Variants in GALNT13 observed in about 807,000 individuals in gnomAD.
GALNT13 encodes UDP-GalNAc:polypeptide N-acetylgalactosaminyltransferase 13.
In GALNT13, 28 loss-of-function variants were observed where a neutral mutation model predicts 64.2. That is an observed-to-expected ratio of 0.44 (90% CI 0.32 to 0.60). GALNT13 has a LOEUF of 0.60. GALNT13 is among the 20% of genes least tolerant of loss of function. The pLI is 0.05. For synonymous variants in GALNT13, 214 were observed against 224.6 expected (o/e 0.95, Z 0.42); for missense variants, 577 against 669.8 (o/e 0.86, Z 1.53).
At chr2:153,667,834 G>T in the GALNT13 span, among the ~76,000 whole-genome samples, 1 of 152,136 alleles carries the variant, frequency 6.6e-6, no homozygotes, top group Non-Finnish European at 1.5e-5. Flanking sequence ...AGAGTAACAA[G>T]CTGGGTAAAG....
the GALNT13 span, among the ~76,000 whole-genome samples, chr2:153,313,525 A>G: frequency 6.6e-6 from 1 of 151,940 alleles, no homozygotes; most frequent in African/African-American, 2.4e-5. Flanking sequence ...GAGGGGAACA[A>G]GAGACACTGG....
the GALNT13 span, among the ~76,000 whole-genome samples, chr2:153,323,337 G>T: frequency 6.6e-6 from 1 of 151,086 alleles, no homozygotes; most frequent in Non-Finnish European, 1.5e-5. Context: ...TTTTTGATAG[G>T]GTTTTTTTTT....
chr2:153,965,673 G>GT (rs1223995432), intron 3 of GALNT13, among the ~76,000 whole-genome samples: 1 of 150,586 alleles, frequency 6.6e-6, no homozygotes, highest in East Asian at 1.9e-4. Flanking sequence ...CTTGGTATTT[G>GT]TTTTTTGTGT....
At chr2:153,070,032 C>A in the GALNT13 span, among the ~76,000 whole-genome samples, 7 of 152,160 alleles carry the variant, frequency 4.6e-5, no homozygotes, top group Non-Finnish European at 1.0e-4. Context: ...AACTCACTTA[C>A]TCACTCAGAA....
chr2:154,421,744 T>A (rs969000088), intron 11 of GALNT13, among the ~76,000 whole-genome samples: 17 of 152,120 alleles, frequency 1.1e-4, no homozygotes, highest in African/African-American at 4.1e-4. Context: ...CAGTATGAAA[T>A]GGGTTTTTTC....
chr2:154,194,859 AT>A lies in GALNT13; in HGVS notation c.312-47155del, dbSNP rs5835502. ...ATATCAGCCTGGACTCTAGAGCTGTATTTTTTTTTTTTTTTTACTTTAAGTT... is the reference window on the plus strand; with the variant it reads ...ATATCAGCCTGGACTCTAGAGCTGTATTTTTTTTTTTTTTTACTTTAAGTT... On this transcript the variant is annotated intron_variant, in intron 4 of 12. Coordinates refer to ENST00000392825, the MANE Select transcript of GALNT13 (RefSeq NM_052917.4). Among the ~76,000 whole-genome samples the A allele has an allele frequency of 7.7e-3, 1,103 of 142,422 alleles. 10 individuals carry two copies. The highest frequency in any genetic ancestry group is 0.016 in the African/African-American group (626 of 38,592). The allele number at this position is 142,422 out of a possible 152,430, so 93.4% of individuals were successfully genotyped here. A position where few individuals can be genotyped will look rare whatever the true frequency, so the allele number is the denominator to read the frequency against.
the GALNT13 span, among the ~76,000 whole-genome samples, chr2:153,442,691 T>G: frequency 1.3e-5 from 2 of 152,174 alleles, no homozygotes; most frequent in Non-Finnish European, 2.9e-5. Flanking sequence ...ATGGGAGTTT[T>G]ACCTATAAGC....
At chr2:153,916,109 T>C (rs1233495701) in intron 2 of GALNT13, among the ~76,000 whole-genome samples, 1 of 150,546 alleles carries the variant, frequency 6.6e-6, no homozygotes, top group Non-Finnish European at 1.5e-5. Context: ...CTGTCCTTCC[T>C]TCCTCCCTTC....
the GALNT13 span, among the ~76,000 whole-genome samples, chr2:153,589,717 C>T: frequency 6.6e-6 from 1 of 152,166 alleles, no homozygotes; most frequent in African/African-American, 2.4e-5. Context: ...ACAACTTAAG[C>T]AGGGGAACTC....
chr2:153,544,232 G>A, the GALNT13 span, among the ~76,000 whole-genome samples: 7 of 152,188 alleles, frequency 4.6e-5, no homozygotes, highest in Admixed American at 2.6e-4. Context: ...TACGGTTGCT[G>A]CATGAGTTAT....
intron 12 of GALNT13, chr2:154,446,799 GC>G: frequency 6.9e-7 from 1 of 1,453,800 alleles, no homozygotes; most frequent in South Asian, 1.5e-5. Flanking sequence ...ATTTATTTTA[GC>G]ATTTTTGTTA....
chr2:153,725,329 A>T, the GALNT13 span, among the ~76,000 whole-genome samples: 1 of 151,482 alleles, frequency 6.6e-6, no homozygotes. Context: ...GGGGGGAGGG[A>T]TAGCATTGGG....
the GALNT13 span, among the ~76,000 whole-genome samples, chr2:153,840,830 C>T: frequency 2.0e-5 from 3 of 152,100 alleles, no homozygotes; most frequent in African/African-American, 7.2e-5. Flanking sequence ...CAAACCCAAC[C>T]AGAAGTCTTT....
At chr2:153,440,647 C>T in the GALNT13 span, among the ~76,000 whole-genome samples, 12 of 152,186 alleles carry the variant, frequency 7.9e-5, no homozygotes, top group Non-Finnish European at 1.8e-4. Context: ...GCCATTCTAT[C>T]TGGCATGAGA....
At chr2:154,185,229 T>C (rs1303287271) in intron 4 of GALNT13, among the ~76,000 whole-genome samples, 1 of 152,070 alleles carries the variant, frequency 6.6e-6, no homozygotes, top group East Asian at 1.9e-4. Context: ...TTCATGAAGT[T>C]TCCTTTGTTT....
At chr2:154,058,553 G>A (rs1290391637) in intron 3 of GALNT13, among the ~76,000 whole-genome samples, 1 of 152,112 alleles carries the variant, frequency 6.6e-6, no homozygotes. Flanking sequence ...AGGAGGTCTG[G>A]GTAGGCCTAA....
At chr2:153,449,525 T>A in the GALNT13 span, 1 of 152,366 alleles carries the variant, frequency 6.6e-6, no homozygotes, top group Admixed American at 6.5e-5. Context: ...AATGGCTTCT[T>A]GCTGTTGCCA....
At chr2:154,134,797 G>A (rs955697378) in intron 3 of GALNT13, among the ~76,000 whole-genome samples, 7 of 152,260 alleles carry the variant, frequency 4.6e-5, no homozygotes, top group Middle Eastern at 3.4e-3. Flanking sequence ...TTCGAGACCC[G>A]CCTGGCCAAC....
the GALNT13 span, among the ~76,000 whole-genome samples, chr2:153,808,027 C>T: frequency 6.6e-6 from 1 of 152,126 alleles, no homozygotes; most frequent in African/African-American, 2.4e-5. Context: ...TCATCACTGG[C>T]TCTTTAATGT....
Sources: allele counts gnomAD v4.1 joint callset (sites outside exome capture counted in the v4.1 genomes callset), GRCh38; gene constraint gnomAD v4.1.1; transcripts MANE v1.5; gene names NCBI Gene and HGNC (gene_info 2026-07-23, HGNC 2026-07-21).